The following BBX variants were observed in gnomAD, a reference collection of about 807,000 sequenced individuals.
BBX encodes the protein HMG box transcription factor BBX.
Under a neutral mutation model 100.2 loss-of-function variants are expected in BBX, and 30 were observed. The observed-to-expected ratio is 0.30, with a 90% confidence interval of 0.22 to 0.41. BBX has a LOEUF of 0.41. Ranked by LOEUF, BBX falls within the 10% of genes least tolerant of loss-of-function variation. BBX has a pLI of 1.00. For missense variants in BBX, 1,023 were observed against 1,129.8 expected (o/e 0.91, Z 1.35); for synonymous variants, 376 against 388.1 (o/e 0.97, Z 0.37).
At chr3:107,573,576 C>A (rs2107525292) in intron 2 of BBX, among the ~76,000 whole-genome samples, 1 of 152,200 alleles carries the variant, frequency 6.6e-6, no homozygotes, top group East Asian at 1.9e-4. Context: ...AACAAACAAA[C>A]AAACAAACAG....
chr3:107,692,405 C>T (rs1017776364), intron 3 of BBX, among the ~76,000 whole-genome samples: 1 of 149,034 alleles, frequency 6.7e-6, no homozygotes, highest in African/African-American at 2.5e-5. Flanking sequence ...TCCATGTGTT[C>T]TCATTGTTCA....
intron 8 of BBX, among the ~76,000 whole-genome samples, chr3:107,747,540 A>G (rs2064723604): frequency 6.6e-6 from 1 of 152,196 alleles, no homozygotes; most frequent in Non-Finnish European, 1.5e-5. Flanking sequence ...CTTCACCAAC[A>G]CTGCATCACA....
At chr3:107,651,190 A>T (rs2057820219) in intron 3 of BBX, among the ~76,000 whole-genome samples, 1 of 152,206 alleles carries the variant, frequency 6.6e-6, no homozygotes, top group African/African-American at 2.4e-5. Flanking sequence ...TTTCTTTACC[A>T]AAGAATGAAG....
At chr3:107,549,371 T>C (rs1050640922) in intron 2 of BBX, among the ~76,000 whole-genome samples, 3 of 151,938 alleles carry the variant, frequency 2.0e-5, no homozygotes, top group Non-Finnish European at 4.4e-5. Context: ...CTATATGTTA[T>C]AGGAAAAATA....
chr3:107,659,821 T>C (rs2058351076), intron 3 of BBX: 3 of 1,105,150 alleles, frequency 2.7e-6, no homozygotes, highest in South Asian at 1.4e-5. Context: ...AGACTAGAAA[T>C]GCTGTTCTAG....
chr3:107,651,860 GT>G (rs1185184584), intron 3 of BBX, among the ~76,000 whole-genome samples: 1 of 151,948 alleles, frequency 6.6e-6, no homozygotes, highest in Non-Finnish European at 1.5e-5. Context: ...TTTTGTTGTT[GT>G]TGTTGTTATT....
At position 107,808,310 on chromosome 3, in the gene BBX, G is replaced by A. The variant is rs1194942481; in HGVS notation, c.*2853G>A. 3.9e-5 allele frequency: 6 copies of A among 152,030 alleles called. No homozygotes were observed. Among genetic ancestry groups the A allele is most frequent in the Admixed American group, 2.6e-4 (4 of 15,254 alleles). 9.4% of individuals were successfully genotyped at this position (152,030 alleles called of 1,614,324 possible). A position where few individuals can be genotyped will look rare whatever the true frequency, so the allele number is the denominator to read the frequency against. On this transcript the variant is annotated 3_prime_UTR_variant, in exon 18 of 18. Transcript: ENST00000325805. ...CTTCTGCTTTGTTTTATTCTAAATTGTTGTATCATATCTTTCTGAAACCAT... is the reference window on the plus strand; with the variant it reads ...CTTCTGCTTTGTTTTATTCTAAATTATTGTATCATATCTTTCTGAAACCAT...
At chr3:107,540,399 T>TA in intron 2 of BBX, among the ~76,000 whole-genome samples, 1 of 152,190 alleles carries the variant, frequency 6.6e-6, no homozygotes, top group East Asian at 1.9e-4. Context: ...TGCAGTATGG[T>TA]AGGTGTCTAA....
At chr3:107,652,381 A>G (rs902020006) in intron 3 of BBX, among the ~76,000 whole-genome samples, 26 of 152,022 alleles carry the variant, frequency 1.7e-4, no homozygotes, top group African/African-American at 5.8e-4. Flanking sequence ...AAAATTTACC[A>G]GTTTTTCTGT....
chr3:107,796,932 C>G lies in BBX; in HGVS notation c.2354-1591C>G, dbSNP rs144718013. On this transcript the variant is annotated intron_variant, in intron 15 of 17. Coordinates refer to ENST00000325805, the MANE Select transcript of BBX (RefSeq NM_001142568.3). ...TTGAAAAGGTGTTTGGGAGCATTGC[C>G]AAGTAGTTTTTTAAAACAACTGTTA... Among the ~76,000 whole-genome samples the G allele has an allele frequency of 6.2e-3, 947 of 152,168 alleles. 3 individuals are homozygous for G. Among genetic ancestry groups the G allele is most frequent in the Non-Finnish European group, 9.3e-3 (633 of 67,996 alleles).
intron 2 of BBX, among the ~76,000 whole-genome samples, chr3:107,624,993 T>G (rs2056067368): frequency 6.6e-6 from 1 of 152,260 alleles, no homozygotes; most frequent in Non-Finnish European, 1.5e-5. Flanking sequence ...AATTCTATTA[T>G]TTTATTTTCT....
At chr3:107,756,607 A>G (rs2065498667) in intron 10 of BBX, among the ~76,000 whole-genome samples, 1 of 152,158 alleles carries the variant, frequency 6.6e-6, no homozygotes, top group African/African-American at 2.4e-5. Flanking sequence ...AATATATAAT[A>G]TCTTTAAATT....
chr3:107,740,036 G>GTGT (rs1047415452), intron 7 of BBX, among the ~76,000 whole-genome samples: 6 of 151,998 alleles, frequency 3.9e-5, no homozygotes, highest in African/African-American at 1.2e-4. Context: ...AACCAAGGAT[G>GTGT]TGTTCTTCCA....
chr3:107,552,027 G>C (rs974634659), intron 2 of BBX, among the ~76,000 whole-genome samples: 1 of 152,082 alleles, frequency 6.6e-6, no homozygotes, highest in Non-Finnish European at 1.5e-5. Flanking sequence ...TCAGCTGTGA[G>C]AGTTTAGTAC....
At chr3:107,652,315 GAAAC>G (rs1446823246) in intron 3 of BBX, among the ~76,000 whole-genome samples, 2 of 149,982 alleles carry the variant, frequency 1.3e-5, no homozygotes, top group Admixed American at 1.3e-4. Context: ...ATCAAAAAAG[GAAAC>G]AAACCTTTTA....
chr3:107,565,321 A>G (rs2050799131), intron 2 of BBX, among the ~76,000 whole-genome samples: 1 of 151,274 alleles, frequency 6.6e-6, no homozygotes, highest in African/African-American at 2.4e-5. Flanking sequence ...TGGCTAGTAC[A>G]TTGGCTAGCA....
chr3:107,585,224 T>C (rs536792663), intron 2 of BBX, among the ~76,000 whole-genome samples: 2 of 152,124 alleles, frequency 1.3e-5, no homozygotes, highest in South Asian at 2.1e-4. Context: ...TGGAGAGGTG[T>C]TCTGGAGGAA....
intron 15 of BBX, among the ~76,000 whole-genome samples, chr3:107,796,263 T>C (rs989687758): frequency 3.3e-5 from 5 of 152,236 alleles, no homozygotes; most frequent in African/African-American, 9.6e-5. Context: ...CTTGGCCTTT[T>C]TCTGGTATCC....
intron 5 of BBX, 92 bp downstream of exon 5, chr3:107,716,941 G>A (rs1043317398): frequency 2.4e-5 from 34 of 1,432,882 alleles, no homozygotes; most frequent in Admixed American, 4.1e-5. Context: ...TGAAGGTCTA[G>A]CAATGAGAAG....
Sources: gnomAD v4.1 joint callset for allele counts (sites outside exome capture counted in the v4.1 genomes callset) on GRCh38, gnomAD v4.1.1 for gene constraint, MANE v1.5 for transcripts, NCBI Gene and HGNC (gene_info 2026-07-23, HGNC 2026-07-21) for gene names.